The following REPS1 variants were observed in gnomAD, a reference collection of about 807,000 sequenced individuals.
REPS1 encodes RALBP1 associated Eps domain containing 1, also known as ralBP1-associated Eps domain-containing protein 1.
A neutral mutation model predicts 100.9 loss-of-function variants in REPS1; 39 were observed. That is an observed-to-expected ratio of 0.39 (90% CI 0.30 to 0.50). The LOEUF is 0.50. Among genes scored for constraint, REPS1 ranks in the 20% least tolerant of loss-of-function variants. The pLI is 0.86. For missense variants in REPS1, 821 were observed against 968.5 expected (o/e 0.85, Z 2.02); for synonymous variants, 324 against 340.3 (o/e 0.95, Z 0.53).
intron 1 of REPS1, among the ~76,000 whole-genome samples, chr6:138,956,346 C>G (rs528367272): frequency 2.0e-5 from 3 of 151,980 alleles, no homozygotes; most frequent in Non-Finnish European, 2.9e-5. Context: ...ATTTGCCCAA[C>G]AAAATCCAGA....
At chr6:138,981,685 T>C (rs1378307742) in intron 1 of REPS1, among the ~76,000 whole-genome samples, 2 of 152,236 alleles carry the variant, frequency 1.3e-5, no homozygotes, top group Non-Finnish European at 2.9e-5. Flanking sequence ...TACACAAAGA[T>C]ACTCTCATTT....
chr6:138,947,978 C>G (rs1054027509), intron 1 of REPS1, 65 bp from the exon 2 acceptor site: 44 of 1,444,412 alleles, frequency 3.0e-5, no homozygotes, highest in Non-Finnish European at 4.1e-5. Context: ...AAATAAGCAG[C>G]TACCCAACTT....
intron 10 of REPS1, 51 bp from the exon 11 acceptor site, chr6:138,921,175 A>T: frequency 8.3e-7 from 1 of 1,204,684 alleles, no homozygotes; most frequent in Non-Finnish European, 1.2e-6. Flanking sequence ...TGTCAAGCTA[A>T]TGCCATGCAA....
At chr6:138,924,317 T>A (rs1157335690) in intron 10 of REPS1, among the ~76,000 whole-genome samples, 5 of 152,214 alleles carry the variant, frequency 3.3e-5, no homozygotes, top group Admixed American at 6.5e-5. Context: ...TCTATTTTCC[T>A]AGAGCCTCCT....
chr6:138,932,988 T>A (rs1032879406), intron 8 of REPS1, among the ~76,000 whole-genome samples: 3 of 152,208 alleles, frequency 2.0e-5, no homozygotes, highest in African/African-American at 7.2e-5. Context: ...AATATTTTTA[T>A]AATGAAAGAT....
intron 19 of REPS1, among the ~76,000 whole-genome samples, chr6:138,906,793 C>A (rs1342391445): frequency 6.6e-6 from 1 of 152,180 alleles, no homozygotes; most frequent in Non-Finnish European, 1.5e-5. Context: ...TCTACAAAAA[C>A]CAGAATCTTC....
At chr6:138,968,224 G>T (rs1321065028) in intron 1 of REPS1, among the ~76,000 whole-genome samples, 2 of 152,082 alleles carry the variant, frequency 1.3e-5, no homozygotes, top group African/African-American at 4.8e-5. Flanking sequence ...TAACTCCTAA[G>T]AATTAAACTT....
At chr6:138,982,059 AT>A (rs1388697698) in intron 1 of REPS1, among the ~76,000 whole-genome samples, 1 of 152,218 alleles carries the variant, frequency 6.6e-6, no homozygotes, top group African/African-American at 2.4e-5. Flanking sequence ...TAGGTAAGTG[AT>A]TATGGCAAGA....
chr6:138,936,615 G>A (rs1781857940), intron 8 of REPS1, among the ~76,000 whole-genome samples: 1 of 99,586 alleles, frequency 1.0e-5, no homozygotes, highest in Non-Finnish European at 1.9e-5. Context: ...CAGGGACAGA[G>A]TATGTTTGGG....
At chr6:138,947,037 T>G (rs1415032744) in intron 2 of REPS1, among the ~76,000 whole-genome samples, 6 of 19,404 alleles carry the variant, frequency 3.1e-4, no homozygotes, top group African/African-American at 4.9e-4. Context: ...TCCCCCTTGC[T>G]CTCTCTCTCT....
chr6:138,910,449 G>A (rs1779930763), intron 17 of REPS1, among the ~76,000 whole-genome samples: 2 of 152,056 alleles, frequency 1.3e-5, no homozygotes, highest in Admixed American at 1.3e-4. Flanking sequence ...CACCTCCCAG[G>A]CTCAAGCGAT....
At position 138,904,261 on chromosome 6, in the gene REPS1, T is replaced by G. The variant is rs1453513366; in HGVS notation, c.*803A>C. On this transcript the variant is annotated 3_prime_UTR_variant, in exon 20 of 20. Coordinates refer to ENST00000450536, the MANE Select transcript of REPS1 (RefSeq NM_001286611.2). The stretch of plus-strand genomic sequence containing the variant: ...AAAACTTGTCTGTATAGCAAAAGAA[T>G]GAGTGACAAGATGGCTAAAGGTAAA... The G allele has an allele frequency of 1.3e-5, 2 of 152,202 alleles. No homozygotes were observed. Among genetic ancestry groups the G allele is most frequent in the Non-Finnish European group, 2.9e-5 (2 of 68,018 alleles). 9.4% of individuals were successfully genotyped at this position (152,202 alleles called of 1,614,324 possible).
chr6:138,942,334 C>T (rs186288003), intron 7 of REPS1, among the ~76,000 whole-genome samples: 123 of 152,216 alleles, frequency 8.1e-4, no homozygotes, highest in Non-Finnish European at 1.1e-3. Flanking sequence ...ATCTACCTAC[C>T]TTGTACTACA....
At chr6:138,923,595 A>G (rs1016682804) in intron 10 of REPS1, among the ~76,000 whole-genome samples, 1 of 152,222 alleles carries the variant, frequency 6.6e-6, no homozygotes, top group Non-Finnish European at 1.5e-5. Context: ...GTTTTCATTC[A>G]TGTATATCCT....
At chr6:138,905,191 TAAC>T in intron 19 of REPS1, 59 bp from the exon 20 acceptor site, 1 of 1,025,940 alleles carries the variant, frequency 9.7e-7, no homozygotes, top group Non-Finnish European at 1.5e-6. Context: ...AAGAAATATC[TAAC>T]AACAGCTCTG....
At chr6:138,923,892 G>A (rs1217331768) in intron 10 of REPS1, among the ~76,000 whole-genome samples, 3 of 151,858 alleles carry the variant, frequency 2.0e-5, no homozygotes, top group African/African-American at 7.3e-5. Flanking sequence ...TGTAAGAAAT[G>A]TTAAATTCAT....
chr6:138,987,502 GCCC>G, intron 1 of REPS1, 25 bp downstream of exon 1: 1 of 1,538,428 alleles, frequency 6.5e-7, no homozygotes, highest in South Asian at 1.2e-5. Flanking sequence ...GGCCTAAGCC[GCCC>G]GCCGGCCCCG....
At chr6:138,954,326 C>T (rs1783236897) in intron 1 of REPS1, among the ~76,000 whole-genome samples, 1 of 151,870 alleles carries the variant, frequency 6.6e-6, no homozygotes, top group Non-Finnish European at 1.5e-5. Context: ...CTGAATGCTC[C>T]TAACACAAAG....
chr6:138,907,701 G>C (rs1779751778), intron 18 of REPS1, 101 bp from the exon 19 acceptor site: 4 of 752,242 alleles, frequency 5.3e-6, no homozygotes, highest in Admixed American at 2.3e-5. Flanking sequence ...GAAGCAAAAA[G>C]AGCATCTTTT....
Sources: gnomAD v4.1 joint callset for allele counts (sites outside exome capture counted in the v4.1 genomes callset) on GRCh38, gnomAD v4.1.1 for gene constraint, MANE v1.5 for transcripts, NCBI Gene and HGNC (gene_info 2026-07-23, HGNC 2026-07-21) for gene names.